Variants in KRT76 observed in about 807,000 individuals in gnomAD.
The protein encoded by KRT76 is keratin 76, also known as keratin, type II cytoskeletal 2 oral.
A neutral mutation model predicts 44.9 loss-of-function variants in KRT76; 47 were observed. That is an observed-to-expected ratio of 1.05 (90% CI 0.83 to 1.33). The LOEUF is 1.33. Ranked by LOEUF, KRT76 falls within the 40% of genes most tolerant of loss-of-function variation. The pLI is 0.00. For missense variants in KRT76, 860 were observed against 775.8 expected, an observed-to-expected ratio of 1.11 and a Z score of -1.29; for synonymous variants, 331 against 294.1, an observed-to-expected ratio of 1.13 and a Z score of -1.28.
intron 7 of KRT76, among the ~76,000 whole-genome samples, chr12:52,770,006 A>T (rs188072203): frequency 6.6e-6 from 1 of 152,240 alleles, no homozygotes; most frequent in East Asian, 1.9e-4. Flanking sequence ...TGGTGGTGAC[A>T]TGATTGGGGT....
chr12:52,775,288 T>C (rs1939242993), intron 2 of KRT76, 100 bp downstream of exon 2: 1 of 1,030,516 alleles, frequency 9.7e-7, no homozygotes, highest in Non-Finnish European at 1.5e-6. Flanking sequence ...TCCCAGAGTA[T>C]TGACTGAAGG....
chr12:52,773,467 T>C, intron 3 of KRT76, 115 bp downstream of exon 3: 1 of 650,728 alleles, frequency 1.5e-6, no homozygotes, highest in Non-Finnish European at 2.7e-6. Context: ...AGGAAAAGTG[T>C]CAATCCCACA....
intron 7 of KRT76, among the ~76,000 whole-genome samples, chr12:52,770,373 T>G (rs1334320633): frequency 6.6e-6 from 1 of 152,200 alleles, no homozygotes; most frequent in Non-Finnish European, 1.5e-5. Flanking sequence ...GAAAGATCTC[T>G]CAATTCTTGA....
chr12:52,770,308 G>T (rs149419208), intron 7 of KRT76, among the ~76,000 whole-genome samples: 1 of 152,336 alleles, frequency 6.6e-6, no homozygotes, highest in African/African-American at 2.4e-5. Context: ...AGCTACCCAA[G>T]GACAGAGGGT....
At chr12:52,772,927 A>G (rs1186350336) in intron 3 of KRT76, 49 bp from the exon 4 acceptor site, 1 of 1,337,580 alleles carries the variant, frequency 7.5e-7, no homozygotes, top group Non-Finnish European at 1.1e-6. Flanking sequence ...TTCCCCTCCC[A>G]CCCAGTGGCT....
chr12:52,773,061 A>G (rs1189534755), intron 3 of KRT76, among the ~76,000 whole-genome samples, 183 bp from the exon 4 acceptor site: 1 of 152,200 alleles, frequency 6.6e-6, no homozygotes, highest in African/African-American at 2.4e-5. Flanking sequence ...CTTGCTTGAC[A>G]TATCAAGCCC....
intron 2 of KRT76, 130 bp from the exon 3 acceptor site, chr12:52,773,772 G>A: frequency 1.7e-6 from 1 of 578,734 alleles, no homozygotes. Context: ...AGTTACACAG[G>A]ACCCTGGGCT....
chr12:52,773,777 TG>T (rs1939221816), intron 2 of KRT76, 135 bp from the exon 3 acceptor site: 12 of 557,640 alleles, frequency 2.2e-5, no homozygotes, highest in Non-Finnish European at 3.5e-5. Context: ...CACAGGACCC[TG>T]GGCTCAGGGT....
chr12:52,772,805 A>G lies in KRT76; in HGVS notation c.950T>C (p.Phe317Ser), dbSNP rs1939206564. The G allele has an allele frequency of 6.2e-7, 1 of 1,613,552 alleles. No individual in the cohort carries two copies. Among genetic ancestry groups the G allele is most frequent in the African/African-American group, 1.3e-5 (1 of 74,904 alleles). The change falls in exon 4 of 9, where the codon TTC (phenylalanine) becomes TCC (serine). Residue 317 changes from phenylalanine (F) to serine (S), a missense_variant. Phe to Ser is a radical substitution (Grantham distance 155). Transcript: ENST00000332411. ...KVDSLTDEVSFLRTLYEMELS... is the reference protein window; with the variant it reads ...KVDSLTDEVSSLRTLYEMELS... Reference sequence around the variant, plus strand: ...CACCATCTCATAGAGGGTCCTCAGGAAGCTGACTTCATCTGTCAGGCTGTC... The same window carrying G: ...CACCATCTCATAGAGGGTCCTCAGGGAGCTGACTTCATCTGTCAGGCTGTC...
chr12:52,774,956 G>A (rs974746111), intron 2 of KRT76, among the ~76,000 whole-genome samples: 2 of 152,170 alleles, frequency 1.3e-5, no homozygotes, highest in Admixed American at 1.3e-4. Flanking sequence ...TGCAGCCCTG[G>A]ACCTCTGCCT....
At chr12:52,770,778 A>G (rs544950719) in intron 7 of KRT76, among the ~76,000 whole-genome samples, 4 of 152,172 alleles carry the variant, frequency 2.6e-5, no homozygotes, top group South Asian at 4.1e-4. Flanking sequence ...GTGAAGATCA[A>G]TAGAGATATG....
chr12:52,768,692 A>G lies in KRT76; in HGVS notation c.*21T>C, dbSNP rs1939128099. The stretch of plus-strand genomic sequence containing the variant: ...CAGGCTGAGTGGGAAGCAGGTGGTT[A>G]TAGAGATTTGGAACAGTAGATCACT... On this transcript the variant is annotated 3_prime_UTR_variant, in exon 9 of 9. Coordinates refer to ENST00000332411, the MANE Select transcript of KRT76 (RefSeq NM_015848.4). The G allele has an allele frequency of 6.4e-7, 1 of 1,571,960 alleles. No homozygotes were observed. The highest frequency in any genetic ancestry group is 1.3e-5 in the African/African-American group (1 of 74,418).
intron 2 of KRT76, 84 bp from the exon 3 acceptor site, chr12:52,773,726 C>T (rs1939220569): frequency 3.4e-6 from 4 of 1,168,688 alleles, no homozygotes; most frequent in Admixed American, 1.8e-5. Flanking sequence ...CTCTCCTCAC[C>T]TGCGCAGAGA....
In KRT76 at chr12:52,772,812, C is replaced by T; in HGVS notation, c.943G>A (p.Val315Ile). Residue 315 changes from valine to isoleucine, a missense_variant, in exon 4 of 9, where the codon GTC (valine) becomes ATC (isoleucine). Transcript: ENST00000332411. ...QAKVDSLTDE[V>I]SFLRTLYEME... ...TCATAGAGGGTCCTCAGGAAGCTGA[C>T]TTCATCTGTCAGGCTGTCCACTTTG... 1.9e-6 allele frequency: 3 copies of T among 1,614,056 alleles called. No individual in the cohort carries two copies. Among genetic ancestry groups the T allele is most frequent in the Non-Finnish European group, 2.5e-6 (3 of 1,179,888 alleles).
Position 52,768,722 on chromosome 12 carries a change from G to A in KRT76, c.1908C>T (p.Ser636=). The stretch of plus-strand genomic sequence containing the variant: ...GATTTGGAACAGTAGATCACTTGGT[G>A]GAGCTATGCTGGCTTGAGCTCGTGG... ...SQTTSSSQHS[S]TK is the part of the protein sequence containing the mutation. Residue 636 remains serine, a synonymous_variant, in exon 9 of 9, where the codon TCC becomes TCT. Coordinates refer to ENST00000332411, the MANE Select transcript of KRT76 (RefSeq NM_015848.4). 6.3e-7 allele frequency: 1 copy of A among 1,592,624 alleles called. No homozygotes were observed. Among genetic ancestry groups the A allele is most frequent in the Admixed American group, 1.7e-5 (1 of 59,524 alleles).
intron 1 of KRT76, 125 bp downstream of exon 1, chr12:52,776,567 C>A: frequency 1.3e-6 from 2 of 1,511,602 alleles, no homozygotes; most frequent in Admixed American, 1.8e-5. Flanking sequence ...CTGTAGGGAC[C>A]AAGACAGCAC....
chr12:52,772,913 T>G, intron 3 of KRT76, 35 bp from the exon 4 acceptor site: 1 of 1,466,038 alleles, frequency 6.8e-7, no homozygotes, highest in Non-Finnish European at 9.6e-7. Context: ...AGAATGACCC[T>G]CTGTTCCCCT....
rs6580904 is a variant in KRT76, at chr12:52,772,156, C to G, written c.1075G>C (p.Ala359Pro). The change falls in exon 5 of 9, where the codon GCC becomes CCC. Residue 359 changes from alanine (A) to proline (P), a missense_variant. Ala to Pro is a conservative substitution (Grantham distance 27). Transcript: ENST00000332411. ...CTCTGGGCAATCTCCTCATACTGGG[C>G]GCGGACCTCGGCAATGATGCTGCCC... ...DLGSIIAEVR[A>P]QYEEIAQRSK... is the part of the protein sequence containing the mutation. 1 of 1,613,578 alleles carries G rather than the reference C, an allele frequency of 6.2e-7. No homozygotes were observed. Among genetic ancestry groups the G allele is most frequent in the Non-Finnish European group, 8.5e-7 (1 of 1,179,760 alleles).
chr12:52,774,716 C>G (rs572854970), intron 2 of KRT76, among the ~76,000 whole-genome samples: 49 of 152,308 alleles, frequency 3.2e-4, no homozygotes, highest in Non-Finnish European at 5.9e-4. Context: ...GGGTGCCCAC[C>G]ACGTTTGTGT....
Sources: gnomAD v4.1 joint callset for allele counts (sites outside exome capture counted in the v4.1 genomes callset) on GRCh38, gnomAD v4.1.1 for gene constraint, MANE v1.5 for transcripts, NCBI Gene and HGNC (gene_info 2026-07-23, HGNC 2026-07-21) for gene names.